TOPAZ1: variants seen among roughly 807,000 people sequenced by gnomAD.
The protein encoded by TOPAZ1 is protein TOPAZ1.
A neutral mutation model predicts 172.2 loss-of-function variants in TOPAZ1; 66 were observed. That is an observed-to-expected ratio of 0.38 (90% confidence interval 0.31 to 0.47). The LOEUF (loss-of-function observed/expected upper bound fraction) is 0.47, where lower values mean the gene tolerates loss of function less well. Ranked by LOEUF, TOPAZ1 falls within the 20% of genes least tolerant of loss-of-function variation. The pLI, the probability that TOPAZ1 is intolerant of heterozygous loss-of-function variation, is 0.99. For synonymous variants in TOPAZ1, 681 were observed against 683.9 expected, an observed-to-expected ratio of 1.00 and a Z score of 0.07; for missense variants, 1,822 against 1,972.4, an observed-to-expected ratio of 0.92 and a Z score of 1.44.
At chr3:44,295,853 C>T (rs1048331206) in intron 12 of TOPAZ1, among the ~76,000 whole-genome samples, 4 of 152,124 alleles carry the variant, frequency 2.6e-5, no homozygotes, top group African/African-American at 7.2e-5. Flanking sequence ...TAGAACTAAA[C>T]ACCTCCATCA....
At chr3:44,290,449 T>C (rs1700124199) in intron 11 of TOPAZ1, among the ~76,000 whole-genome samples, 1 of 152,152 alleles carries the variant, frequency 6.6e-6, no homozygotes, top group Non-Finnish European at 1.5e-5. Flanking sequence ...TCTCAGGAAG[T>C]TTATAATCAG....
rs1697489327 is a variant in TOPAZ1 at position 44,304,657 on chromosome 3, G to A, written c.3865-490G>A. Among the ~76,000 whole-genome samples the A allele has an allele frequency of 1.3e-5, 2 of 152,190 alleles. 1 individual carries two copies. The highest frequency in any genetic ancestry group is 4.1e-4 in the South Asian group (2 of 4,828). On this transcript the variant is annotated intron_variant, in intron 13 of 19. Transcript: ENST00000309765. Reference sequence around the variant, plus strand: ...TAGTTTATAACAGAAATTGTAGAAAGATAATAAGTTGATTGAAATTTACTT... The same window carrying A: ...TAGTTTATAACAGAAATTGTAGAAAAATAATAAGTTGATTGAAATTTACTT...
intron 6 of TOPAZ1, 116 bp from the exon 7 acceptor site, chr3:44,269,100 T>C (rs5004668): frequency 0.83 from 576,023 of 693,722 alleles, 239,456 homozygotes; most frequent in Middle Eastern, 0.89. Context: ...GTGAACTGAA[T>C]ATGAATATTT....
At position 44,299,009 on chromosome 3, in the gene TOPAZ1, G is replaced by A. The variant is rs557936754; in HGVS notation, c.3798-5006G>A. 5.3e-4 allele frequency among the ~76,000 whole-genome samples: 73 copies of A among 137,464 alleles called. 1 individual carries two copies. In the South Asian group the frequency reaches 0.015, roughly 27 times the overall value. The allele number at this position is 137,464 out of a possible 152,430, so 90.2% of individuals were successfully genotyped here. ...ACAATCTCAGCTCACTGCAACCTCC[G>A]CCTCCTGGGTTCAAGTGATTCTCCT... On this transcript the variant is annotated intron_variant, in intron 12 of 19. Transcript: ENST00000309765.
intron 8 of TOPAZ1, among the ~76,000 whole-genome samples, chr3:44,279,275 G>A (rs910722228): frequency 1.3e-5 from 2 of 152,140 alleles, no homozygotes; most frequent in Non-Finnish European, 2.9e-5. Context: ...GTGCTGATGA[G>A]AAGAATGTGT....
At chr3:44,264,719 C>T (rs1183354989) in intron 5 of TOPAZ1, among the ~76,000 whole-genome samples, 1 of 152,208 alleles carries the variant, frequency 6.6e-6, no homozygotes, top group African/African-American at 2.4e-5. Context: ...AGACTCAATC[C>T]TCTCAAACTC....
Position 44,332,032 on chromosome 3 carries a change from T to A in TOPAZ1, c.*21T>A. On this transcript the variant is annotated 3_prime_UTR_variant, in exon 20 of 20. Transcript: ENST00000309765. ...ATTAGCTAATAAAGTCTGCTTTTTT[T>A]TTTTTTTTAGTTCAAGTAATCATTG... The A allele has an allele frequency of 6.7e-7, 1 of 1,482,330 alleles. No homozygotes were observed. Among genetic ancestry groups the A allele is most frequent in the East Asian group, 2.5e-5 (1 of 40,530 alleles). The allele number at this position is 1,482,330 out of a possible 1,614,324, so 91.8% of individuals were successfully genotyped here. A position where few individuals can be genotyped will look rare whatever the true frequency, so the allele number is the denominator to read the frequency against.
At chr3:44,287,869 G>A in intron 11 of TOPAZ1, 30 bp downstream of exon 11, 1 of 1,092,092 alleles carries the variant, frequency 9.2e-7, no homozygotes, top group Non-Finnish European at 1.3e-6. Context: ...TTTATTCTCT[G>A]ATGGCGAGTA....
chr3:44,320,468 C>G (rs568626832), intron 16 of TOPAZ1, among the ~76,000 whole-genome samples: 12 of 151,896 alleles, frequency 7.9e-5, no homozygotes, highest in Admixed American at 2.0e-4. Flanking sequence ...TGTGGTGGCA[C>G]GCGCCTGTAG....
intron 14 of TOPAZ1, 122 bp from the exon 15 acceptor site, chr3:44,306,204 A>T: frequency 1.7e-6 from 1 of 579,846 alleles, no homozygotes; most frequent in East Asian, 2.8e-5. Context: ...CTATACAAAA[A>T]CGGGGCACAG....
chr3:44,272,991 A>G (rs981685164), intron 8 of TOPAZ1, among the ~76,000 whole-genome samples: 3 of 152,236 alleles, frequency 2.0e-5, no homozygotes, highest in Non-Finnish European at 4.4e-5. Flanking sequence ...ATAGGTTGTC[A>G]AAACTCAATC....
downstream of TOPAZ1, among the ~76,000 whole-genome samples, chr3:44,336,044 A>G (rs1046629475): frequency 5.9e-5 from 9 of 152,226 alleles, no homozygotes; most frequent in African/African-American, 2.2e-4. Flanking sequence ...TGTGCTTTAG[A>G]AGGAGATACT....
chr3:44,285,493 A>C (rs1207597241), intron 9 of TOPAZ1, among the ~76,000 whole-genome samples: 1 of 152,058 alleles, frequency 6.6e-6, no homozygotes, highest in East Asian at 1.9e-4. Context: ...AATAAAAGAC[A>C]ATGCAGTAGT....
At chr3:44,287,272 A>G (rs768617554) in intron 9 of TOPAZ1, 117 bp from the exon 10 acceptor site, 13 of 572,138 alleles carry the variant, frequency 2.3e-5, no homozygotes, top group Non-Finnish European at 3.5e-5. Context: ...TGTACCTTTC[A>G]AGAATTTACA....
At position 44,243,370 on chromosome 3, in the gene TOPAZ1, G is replaced by A. The variant is rs776717571; in HGVS notation, c.864G>A (p.Met288Ile). The A allele has an allele frequency of 3.9e-5, 60 of 1,550,792 alleles. No individual in the cohort carries two copies. The highest frequency in any genetic ancestry group is 5.1e-5 in the Non-Finnish European group (58 of 1,146,800). Reference protein sequence around the residue: ...PQLLQTEENVMGVNKLLPEES... With the variant: ...PQLLQTEENVIGVNKLLPEES... ...TCTTACAAACAGAAGAAAATGTAAT[G>A]GGAGTAAATAAGTTACTACCAGAAG... Residue 288 changes from methionine (M) to isoleucine (I), a missense_variant, in exon 2 of 20, where the codon ATG (methionine) becomes ATA (isoleucine). By Grantham distance (10) the Met-to-Ile change is conservative. This residue lies in a region of TOPAZ1 where 1,489 missense variants were observed against 1,490.8 expected (regional missense o/e 1.00). Transcript: ENST00000309765.
chr3:44,318,685 A>G (rs959091245), intron 16 of TOPAZ1, among the ~76,000 whole-genome samples: 3 of 151,528 alleles, frequency 2.0e-5, no homozygotes, highest in Non-Finnish European at 2.9e-5. Context: ...ATATTTCAGC[A>G]TCATGGCCAG....
chr3:44,286,498 AT>A (rs1372411898), intron 9 of TOPAZ1, among the ~76,000 whole-genome samples: 12 of 152,322 alleles, frequency 7.9e-5, no homozygotes, highest in African/African-American at 2.4e-4. Flanking sequence ...AAATTTGAAT[AT>A]TGTTATACCA....
In TOPAZ1 at chr3:44,320,382, G is replaced by A. The variant is rs1455783146; in HGVS notation, c.4307-645G>A. On this transcript the variant is annotated intron_variant, in intron 16 of 19. Coordinates refer to ENST00000309765, the MANE Select transcript of TOPAZ1 (RefSeq NM_001145030.2). ...GGAGGCCAAGGTGGGCCAATCACAA[G>A]GTCAAGAGATCGAGACTGTCCTGGC... is the stretch of plus-strand genomic sequence containing the variant. 2.0e-5 allele frequency among the ~76,000 whole-genome samples: 3 copies of A among 152,190 alleles called. No individual in the cohort carries two copies. The South Asian group carries it at 6.2e-4, about 32-fold the overall frequency.
chr3:44,284,007 G>A (rs1435967352), intron 9 of TOPAZ1, among the ~76,000 whole-genome samples: 2 of 151,980 alleles, frequency 1.3e-5, no homozygotes, highest in Non-Finnish European at 2.9e-5. Flanking sequence ...CTCTAGTTTA[G>A]GATCCAGTCC....
Sources: gnomAD v4.1 joint callset for allele counts (sites outside exome capture counted in the v4.1 genomes callset) on GRCh38, gnomAD v4.1.1 for gene constraint, gnomAD v4.1.1 regional missense constraint, MANE v1.5 for transcripts, NCBI Gene and HGNC (gene_info 2026-07-23, HGNC 2026-07-21) for gene names.